The following TANC2 variants were observed in gnomAD, a reference collection of about 807,000 sequenced individuals.
TANC2 encodes protein TANC2.
In TANC2, 26 loss-of-function variants were observed where a neutral mutation model predicts 210.5. The ratio of observed to expected loss-of-function variants is 0.12; its 90% CI spans 0.09 to 0.17. The LOEUF is 0.17. TANC2 is among the 10% of genes least tolerant of loss of function. The pLI, the probability that TANC2 is intolerant of heterozygous loss-of-function variation, is 1.00. For synonymous variants in TANC2, 931 were observed against 967.1 expected, an observed-to-expected ratio of 0.96 and a Z score of 0.69; for missense variants, 2,129 against 2,608.9, an observed-to-expected ratio of 0.82 and a Z score of 4.01.
chr17:63,054,774 A>G (rs1271539164), intron 2 of TANC2, among the ~76,000 whole-genome samples: 1 of 152,132 alleles, frequency 6.6e-6, no homozygotes, highest in African/African-American at 2.4e-5. Flanking sequence ...TCTTATTGGC[A>G]TTAAGTGTAT....
At chr17:62,974,148 C>T (rs912521906) in intron 1 of TANC2, among the ~76,000 whole-genome samples, 28 of 152,180 alleles carry the variant, frequency 1.8e-4, no homozygotes, top group African/African-American at 5.1e-4. Context: ...CTTCGCAGGG[C>T]ATAATTCCTT....
At chr17:63,273,175 A>G (rs1010113147) in intron 9 of TANC2, among the ~76,000 whole-genome samples, 1 of 152,028 alleles carries the variant, frequency 6.6e-6, no homozygotes, top group African/African-American at 2.4e-5. Context: ...AGTCCTAGCT[A>G]CTCAGGAGGC....
intron 4 of TANC2, among the ~76,000 whole-genome samples, chr17:63,146,745 A>G (rs1319826545): frequency 6.6e-6 from 1 of 152,124 alleles, no homozygotes; most frequent in Admixed American, 6.6e-5. Flanking sequence ...TTGACTAGAT[A>G]TACTTCAACA....
intron 8 of TANC2, among the ~76,000 whole-genome samples, chr17:63,262,707 G>T (rs1376899542): frequency 1.3e-5 from 2 of 151,820 alleles, no homozygotes; most frequent in African/African-American, 2.4e-5. Flanking sequence ...AAAGCAGGAG[G>T]CATTGGATTA....
intron 2 of TANC2, among the ~76,000 whole-genome samples, chr17:63,045,303 T>A (rs1166631584): frequency 1.3e-5 from 2 of 152,206 alleles, no homozygotes; most frequent in Non-Finnish European, 2.9e-5. Flanking sequence ...AGATTGATCC[T>A]TAGCCTGTGA....
exon 2 of TANC2, chr17:63,009,548 A>C: frequency 6.2e-7 from 1 of 1,611,718 alleles, no homozygotes; most frequent in Admixed American, 1.7e-5. Context: ...TTTGCAGTAG[A>C]AGAGTATAAC....
chr17:63,389,682 C>G (rs553681911), intron 17 of TANC2, 138 bp downstream of exon 17: 19 of 869,168 alleles, frequency 2.2e-5, no homozygotes, highest in Middle Eastern at 2.3e-4. Flanking sequence ...AGAGAGAGTG[C>G]TGGTTCTGCA....
At position 63,359,337 on chromosome 17, in the gene TANC2, A is replaced by G. The variant is rs148819818; in HGVS notation, c.2582+3947A>G. On this transcript the variant is annotated intron_variant, in intron 14 of 27. Coordinates refer to ENST00000689528, the Ensembl canonical transcript of TANC2. ...AGTGCTGGGATTACAGGGATGAGCT[A>G]CTGCACCAGCATTTTTTTTTTTTTT... 2.7e-3 allele frequency among the ~76,000 whole-genome samples: 400 copies of G among 146,878 alleles called. 8 individuals are homozygous for G. The highest frequency in any genetic ancestry group is 0.023 in the Admixed American group (350 of 14,996).
chr17:63,045,395 C>T (rs76857789), intron 2 of TANC2, among the ~76,000 whole-genome samples: 3,751 of 152,294 alleles, frequency 0.025, 52 homozygotes, highest in Non-Finnish European at 0.036. Flanking sequence ...CTCCAAACTT[C>T]TGTTAAATAG....
At chr17:63,194,888 G>A (rs992846929) in intron 6 of TANC2, among the ~76,000 whole-genome samples, 2 of 151,586 alleles carry the variant, frequency 1.3e-5, no homozygotes, top group Non-Finnish European at 2.9e-5. Flanking sequence ...CAGTTTAAAT[G>A]TAGCAAAAAA....
At chr17:63,234,722 G>C (rs950325865) in intron 7 of TANC2, among the ~76,000 whole-genome samples, 1 of 152,044 alleles carries the variant, frequency 6.6e-6, no homozygotes, top group African/African-American at 2.4e-5. Context: ...AAGGAGGCAA[G>C]GTACATCTAC....
At chr17:63,389,958 G>A in intron 17 of TANC2, 1 of 240,412 alleles carries the variant, frequency 4.2e-6, no homozygotes, top group Non-Finnish European at 8.2e-6. Context: ...ACTTAGCCAT[G>A]GAGATGAGAA....
At chr17:62,991,646 A>AAAAAAAAC (rs1253960872) in intron 1 of TANC2, among the ~76,000 whole-genome samples, 1 of 151,928 alleles carries the variant, frequency 6.6e-6, no homozygotes, top group East Asian at 1.9e-4. Context: ...TCTCAAAAAA[A>AAAAAAAAC]AAAAAAACAA....
At chr17:62,978,108 G>A (rs1290349945) in intron 1 of TANC2, among the ~76,000 whole-genome samples, 2 of 152,078 alleles carry the variant, frequency 1.3e-5, no homozygotes, top group African/African-American at 4.8e-5. Flanking sequence ...TGGATGTTAA[G>A]ATTGTTTCCT....
At chr17:63,392,631 T>G (rs926485215) in intron 17 of TANC2, among the ~76,000 whole-genome samples, 1 of 152,226 alleles carries the variant, frequency 6.6e-6, no homozygotes, top group Non-Finnish European at 1.5e-5. Flanking sequence ...TTAGCTTTTG[T>G]AGAGCTTTTA....
intron 4 of TANC2, among the ~76,000 whole-genome samples, chr17:63,135,192 C>T (rs72843196): frequency 0.14 from 21,592 of 152,008 alleles, 1,982 homozygotes; most frequent in Middle Eastern, 0.21. Context: ...CCAGCCTGGG[C>T]GACAGAGTGA....
At chr17:63,033,872 T>C (rs2034870565) in intron 2 of TANC2, among the ~76,000 whole-genome samples, 1 of 152,194 alleles carries the variant, frequency 6.6e-6, no homozygotes, top group Non-Finnish European at 1.5e-5. Flanking sequence ...ATTGAAGTTT[T>C]TAAAAACTAT....
At chr17:63,305,237 G>A (rs1041537851) in intron 9 of TANC2, 2 of 152,276 alleles carry the variant, frequency 1.3e-5, no homozygotes, top group Non-Finnish European at 2.9e-5. Context: ...CCGATCCATG[G>A]GTTACACAGT....
At chr17:63,039,093 G>A (rs193299602) in intron 2 of TANC2, among the ~76,000 whole-genome samples, 6 of 152,222 alleles carry the variant, frequency 3.9e-5, no homozygotes, top group African/African-American at 1.4e-4. Flanking sequence ...AGGTATGGGA[G>A]GAAGGCCTGT....
Sources: gnomAD v4.1 joint callset for allele counts (sites outside exome capture counted in the v4.1 genomes callset) on GRCh38, gnomAD v4.1.1 for gene constraint, MANE v1.5 for transcripts, NCBI Gene and HGNC (gene_info 2026-07-23, HGNC 2026-07-21) for gene names.